Variants in NTM observed in about 807,000 individuals in gnomAD.
The protein encoded by NTM is neurotrimin.
A neutral mutation model predicts 42.1 loss-of-function variants in NTM; 13 were observed. That is an observed-to-expected ratio of 0.31 (90% confidence interval 0.20 to 0.49). NTM has a LOEUF of 0.49. Ranked by LOEUF, NTM falls within the 20% of genes least tolerant of loss-of-function variation. The probability of loss-of-function intolerance (pLI) is 0.99; values close to 1 mark genes in which losing one functional copy is unlikely to be tolerated. For synonymous variants in NTM, 187 were observed against 179.2 expected (o/e 1.04, Z -0.35); for missense variants, 373 against 452.8 (o/e 0.82, Z 1.60).
At chr11:131,872,630 G>A (rs2047903009) in intron 1 of NTM, among the ~76,000 whole-genome samples, 1 of 152,120 alleles carries the variant, frequency 6.6e-6, no homozygotes, top group African/African-American at 2.4e-5. Flanking sequence ...AATATGAATG[G>A]TGTATTTATG....
At position 132,314,585 on chromosome 11, in the gene NTM, A is replaced by AAAC. The variant is rs751168825; in HGVS notation, c.818_820dup (p.Asn273dup). 3 of 1,613,602 alleles carry AAAC rather than the reference A, an allele frequency of 1.9e-6. No individual in the cohort carries two copies. Among genetic ancestry groups the AAAC allele is most frequent in the Non-Finnish European group, 2.5e-6 (3 of 1,179,774 alleles). On this transcript the variant is annotated inframe_insertion, in exon 7 of 9. Coordinates refer to ENST00000683400, the MANE Select transcript of NTM (RefSeq NM_001352005.2). Reference sequence around the variant, plus strand: ...AAGGAAAGAAAGGGGTGAAAGTGGAAAACAGACCTTTCCTCTCAAAACTCA... The same window carrying AAAC: ...AAGGAAAGAAAGGGGTGAAAGTGGAAAACAACAGACCTTTCCTCTCAAAACTCA...
At chr11:131,710,621 A>G (rs2077024774) in intron 1 of NTM, among the ~76,000 whole-genome samples, 1 of 152,190 alleles carries the variant, frequency 6.6e-6, no homozygotes, top group Non-Finnish European at 1.5e-5. Context: ...TGTAATACCC[A>G]AACCAGCACC....
chr11:131,642,494 C>T (rs1300025799), intron 1 of NTM, among the ~76,000 whole-genome samples: 2 of 152,200 alleles, frequency 1.3e-5, no homozygotes, highest in African/African-American at 2.4e-5. Context: ...AAGTTAAACA[C>T]CCATCTGCTC....
intron 4 of NTM, 167 bp from the exon 5 acceptor site, chr11:132,307,522 G>A (rs2095131653): frequency 5.3e-6 from 2 of 375,414 alleles, no homozygotes; most frequent in Non-Finnish European, 7.3e-6. Context: ...GTGGTGCGGA[G>A]GTGTAGAAGA....
intron 2 of NTM, among the ~76,000 whole-genome samples, chr11:132,055,659 G>C (rs919955359): frequency 1.6e-5 from 2 of 126,646 alleles, no homozygotes; most frequent in African/African-American, 6.2e-5. Context: ...GAGAGAGAGA[G>C]AGAGCGAGAG....
intron 2 of NTM, among the ~76,000 whole-genome samples, chr11:131,913,059 G>A (rs1242657431): frequency 6.6e-6 from 1 of 152,126 alleles, no homozygotes; most frequent in Non-Finnish European, 1.5e-5. Flanking sequence ...ACTCTTCTGA[G>A]CAAAAATAAA....
At chr11:131,473,510 T>C (rs1952643594) in intron 1 of NTM, among the ~76,000 whole-genome samples, 1 of 152,146 alleles carries the variant, frequency 6.6e-6, no homozygotes, top group South Asian at 2.1e-4. Flanking sequence ...AGATAGCTTT[T>C]CTCCTCTCAG....
At chr11:132,189,903 A>G (rs555860566) in intron 3 of NTM, among the ~76,000 whole-genome samples, 10 of 152,372 alleles carry the variant, frequency 6.6e-5, no homozygotes, top group South Asian at 6.2e-4. Flanking sequence ...ATAAAGGCGA[A>G]GCACACAAAA....
chr11:132,263,809 C>A (rs562133905), intron 4 of NTM, among the ~76,000 whole-genome samples: 1 of 152,204 alleles, frequency 6.6e-6, no homozygotes, highest in South Asian at 2.1e-4. Context: ...AATTTTACAA[C>A]AAGGATTACC....
chr11:132,139,820 CAAAT>C (rs774448628), intron 2 of NTM, among the ~76,000 whole-genome samples: 56 of 152,228 alleles, frequency 3.7e-4, no homozygotes, highest in South Asian at 1.7e-3. Flanking sequence ...AGATTTTAAT[CAAAT>C]AATTAATCAG....
At chr11:131,611,820 T>A (rs1476914029) in intron 1 of NTM, among the ~76,000 whole-genome samples, 1 of 152,182 alleles carries the variant, frequency 6.6e-6, no homozygotes, top group Non-Finnish European at 1.5e-5. Flanking sequence ...CACACAGAGC[T>A]ATGGTGATTT....
At chr11:132,268,732 G>A (rs967536928) in intron 4 of NTM, among the ~76,000 whole-genome samples, 13 of 150,970 alleles carry the variant, frequency 8.6e-5, no homozygotes, top group African/African-American at 3.2e-4. Flanking sequence ...GGATAATTTT[G>A]CATTATTTTT....
intron 2 of NTM, among the ~76,000 whole-genome samples, chr11:132,093,437 A>G (rs1397514359): frequency 6.6e-6 from 1 of 152,186 alleles, no homozygotes; most frequent in Non-Finnish European, 1.5e-5. Context: ...TCATTGTTCC[A>G]TCCAACAGAT....
chr11:131,410,517 CAAAAAAA>C (rs1161389222), intron 1 of NTM, among the ~76,000 whole-genome samples: 984 of 32,764 alleles, frequency 0.03, 13 homozygotes, highest in Non-Finnish European at 0.042. Context: ...AAACAATAAC[CAAAAAAA>C]AAAAAAAAAA....
intron 2 of NTM, among the ~76,000 whole-genome samples, chr11:132,070,136 C>G (rs1397952950): frequency 1.4e-5 from 2 of 146,626 alleles, no homozygotes; most frequent in Non-Finnish European, 3.0e-5. Flanking sequence ...ACACGTCACA[C>G]AGCCAAGTTA....
chr11:131,657,360 C>A (rs2067338246), intron 1 of NTM, among the ~76,000 whole-genome samples: 1 of 152,142 alleles, frequency 6.6e-6, no homozygotes, highest in African/African-American at 2.4e-5. Flanking sequence ...GGGAGAAAAA[C>A]AAGTCAAGCT....
intron 1 of NTM, among the ~76,000 whole-genome samples, chr11:131,871,195 G>A (rs1057495518): frequency 6.6e-5 from 10 of 152,316 alleles, no homozygotes; most frequent in South Asian, 2.1e-4. Flanking sequence ...ACCAACATAC[G>A]TTGTCCCTCT....
At chr11:131,789,815 G>A (rs908135875) in intron 1 of NTM, among the ~76,000 whole-genome samples, 9 of 150,922 alleles carry the variant, frequency 6.0e-5, no homozygotes, top group African/African-American at 1.2e-4. Context: ...AATTAGCCGG[G>A]TGTGGTGGCG....
chr11:132,202,984 G>A (rs765220642), intron 3 of NTM, among the ~76,000 whole-genome samples: 1 of 152,142 alleles, frequency 6.6e-6, no homozygotes, highest in Non-Finnish European at 1.5e-5. Context: ...AATCCACTGA[G>A]GTTATGCCAT....
Sources: allele counts gnomAD v4.1 joint callset (sites outside exome capture counted in the v4.1 genomes callset), GRCh38; gene constraint gnomAD v4.1.1; transcripts MANE v1.5; gene names NCBI Gene and HGNC (gene_info 2026-07-23, HGNC 2026-07-21).